The following VGLL4 variants were observed in gnomAD, a reference collection of about 807,000 sequenced individuals.
The protein encoded by VGLL4 is vestigial like family member 4.
In VGLL4, 7 loss-of-function variants were observed where a neutral mutation model predicts 21.0. The observed-to-expected ratio is 0.33, with a 90% CI of 0.19 to 0.63. VGLL4 has a LOEUF of 0.63. Ranked by LOEUF, VGLL4 falls within the 20% of genes least tolerant of loss-of-function variation. The pLI, the probability that VGLL4 is intolerant of heterozygous loss-of-function variation, is 0.78. For missense variants in VGLL4, 394 were observed against 425.7 expected (o/e 0.93, Z 0.66); for synonymous variants, 222 against 173.2 (o/e 1.28, Z -2.21).
chr3:11,689,761 C>T (rs1156720445), intron 2 of VGLL4, among the ~76,000 whole-genome samples: 1 of 152,226 alleles, frequency 6.6e-6, no homozygotes, highest in Non-Finnish European at 1.5e-5. Context: ...GGCCAGCTAC[C>T]TGCAGGCTCC....
At chr3:11,613,253 G>A (rs1032042044) in intron 1 of VGLL4, among the ~76,000 whole-genome samples, 7 of 152,248 alleles carry the variant, frequency 4.6e-5, no homozygotes, top group African/African-American at 1.4e-4. Context: ...GTTAAGCACC[G>A]AAGGTCATAT....
intron 1 of VGLL4, among the ~76,000 whole-genome samples, chr3:11,632,392 G>A (rs1006744426): frequency 3.9e-5 from 6 of 152,014 alleles, no homozygotes; most frequent in African/African-American, 1.4e-4. Flanking sequence ...GACCCAAGAC[G>A]AACCATTTCA....
At chr3:11,666,492 G>A (rs2076129248) in intron 2 of VGLL4, among the ~76,000 whole-genome samples, 1 of 152,150 alleles carries the variant, frequency 6.6e-6, no homozygotes, top group Non-Finnish European at 1.5e-5. Flanking sequence ...AGTTAGAAAC[G>A]GGAAAGCAGC....
chr3:11,703,778 C>A (rs1218999928), intron 1 of VGLL4, among the ~76,000 whole-genome samples: 2 of 152,218 alleles, frequency 1.3e-5, no homozygotes, highest in African/African-American at 4.8e-5. Flanking sequence ...GGCACACACA[C>A]CCTACTAGCT....
chr3:11,630,624 C>T (rs1559911509), intron 1 of VGLL4, among the ~76,000 whole-genome samples: 1 of 151,884 alleles, frequency 6.6e-6, no homozygotes, highest in Non-Finnish European at 1.5e-5. Flanking sequence ...CCAGCCTGGA[C>T]AACAAGAGTG....
intron 2 of VGLL4, among the ~76,000 whole-genome samples, chr3:11,578,831 G>C (rs2074137457): frequency 7.2e-6 from 1 of 139,400 alleles, no homozygotes; most frequent in Non-Finnish European, 1.5e-5. Context: ...CTCATCGCAA[G>C]CTCCACCTCC....
At chr3:11,614,027 T>G (rs1040437471) in intron 1 of VGLL4, among the ~76,000 whole-genome samples, 2 of 152,196 alleles carry the variant, frequency 1.3e-5, no homozygotes, top group Non-Finnish European at 2.9e-5. Context: ...TTTCTATGAC[T>G]GTTTCCACAT....
Position 11,568,526 on chromosome 3 carries a change from C to T in VGLL4, c.273-3507G>A. 1 of 1,537,238 alleles carries T rather than the reference C, an allele frequency of 6.5e-7. No individual in the cohort carries two copies. Among genetic ancestry groups the T allele is most frequent in the African/African-American group, 1.4e-5 (1 of 72,850 alleles). On this transcript the variant is annotated intron_variant, in intron 2 of 4. Coordinates refer to ENST00000430365, the MANE Select transcript of VGLL4 (RefSeq NM_001128219.3). This position sits in a 1 kb window ranked among gnomAD's most constrained non-coding sequence, Gnocchi z 5.9. Reference sequence around the variant, plus strand: ...ACACAGCACAGTGGGCACTATGGGTCAGACAAAGACACTGAAAACAGCGAG... The same window carrying T: ...ACACAGCACAGTGGGCACTATGGGTTAGACAAAGACACTGAAAACAGCGAG...
intron 1 of VGLL4, among the ~76,000 whole-genome samples, chr3:11,641,963 C>A (rs981049234): frequency 1.3e-5 from 2 of 150,366 alleles, no homozygotes; most frequent in African/African-American, 2.5e-5. Context: ...TTGGCAAAGA[C>A]AATACAACAG....
At chr3:11,688,685 G>A (rs2076484446) in intron 2 of VGLL4, among the ~76,000 whole-genome samples, 1 of 151,996 alleles carries the variant, frequency 6.6e-6, no homozygotes, top group Admixed American at 6.6e-5. Flanking sequence ...GTCAGTTTTT[G>A]GTTGTATTTT....
At position 11,718,448 on chromosome 3, in the gene VGLL4, C is replaced by G. The variant is rs138534072; in HGVS notation, c.-14+1946G>C. On this transcript the variant is annotated intron_variant, in intron 1 of 5. Transcript: ENST00000273038. ...CCCAAAGGTCTCCTTAAACTGCCCA[C>G]TCTACTCCCTCCCAGTCATGCGCAG... Among the ~76,000 whole-genome samples the G allele has an allele frequency of 3.7e-4, 57 of 152,306 alleles. 1 individual carries two copies. In the East Asian group the frequency reaches 0.011, roughly 28 times the overall value.
At chr3:11,623,170 C>G (rs1206929714) in intron 1 of VGLL4, among the ~76,000 whole-genome samples, 1 of 152,174 alleles carries the variant, frequency 6.6e-6, no homozygotes, top group East Asian at 1.9e-4. Context: ...ACTAAGTTAA[C>G]AGGTCATCCA....
intron 2 of VGLL4, among the ~76,000 whole-genome samples, chr3:11,595,458 C>T (rs1232926936): frequency 1.3e-5 from 2 of 152,200 alleles, no homozygotes; most frequent in Non-Finnish European, 2.9e-5. Flanking sequence ...ACTAGAAATA[C>T]CATTTGACCC....
intron 1 of VGLL4, among the ~76,000 whole-genome samples, chr3:11,639,312 C>A (rs1404273212): frequency 2.0e-5 from 3 of 152,260 alleles, no homozygotes; most frequent in East Asian, 3.9e-4. Context: ...TCCTCCTCTG[C>A]ACAGGCAGAC....
At chr3:11,566,207 CTGAA>C (rs993498511) in intron 2 of VGLL4, among the ~76,000 whole-genome samples, 5 of 152,190 alleles carry the variant, frequency 3.3e-5, no homozygotes, top group African/African-American at 9.6e-5. Flanking sequence ...TACACACACA[CTGAA>C]TGTTACACAC....
chr3:11,657,825 G>A (rs1314816849), intron 2 of VGLL4, among the ~76,000 whole-genome samples: 1 of 152,170 alleles, frequency 6.6e-6, no homozygotes, highest in Non-Finnish European at 1.5e-5. Context: ...CTGCCATAAA[G>A]AAAATTATGA....
chr3:11,572,501 G>GC (rs2073816275), intron 2 of VGLL4, among the ~76,000 whole-genome samples: 1 of 152,140 alleles, frequency 6.6e-6, no homozygotes, highest in South Asian at 2.1e-4. Context: ...ACATGCAGAC[G>GC]CATGAGGTCC....
In VGLL4 at chr3:11,569,970, G is replaced by C. The variant is rs574844146; in HGVS notation, c.273-4951C>G. ...GCCACTGAAGGGTGCCCTGAAACCTGGTTAAAGTGGTCAGCTGTATGCTCT... is the reference window on the plus strand; with the variant it reads ...GCCACTGAAGGGTGCCCTGAAACCTCGTTAAAGTGGTCAGCTGTATGCTCT... On this transcript the variant is annotated intron_variant, in intron 2 of 4. Coordinates refer to ENST00000430365, the MANE Select transcript of VGLL4 (RefSeq NM_001128219.3). Among the ~76,000 whole-genome samples, 41 of 152,280 alleles carry C rather than the reference G, an allele frequency of 2.7e-4. 1 individual carries two copies. Among genetic ancestry groups the C allele is most frequent in the Non-Finnish European group, 3.4e-4 (23 of 68,010 alleles).
intron 2 of VGLL4, among the ~76,000 whole-genome samples, chr3:11,591,778 G>A (rs1303825263): frequency 6.6e-6 from 1 of 152,222 alleles, no homozygotes; most frequent in Non-Finnish European, 1.5e-5. Flanking sequence ...ACCTCAGGAA[G>A]GCAGGTTACA....
Sources: gnomAD v4.1 joint callset for allele counts (sites outside exome capture counted in the v4.1 genomes callset) on GRCh38, gnomAD v4.1.1 for gene constraint, Gnocchi (gnomAD v3.1) non-coding constraint, MANE v1.5 for transcripts, NCBI Gene and HGNC (gene_info 2026-07-23, HGNC 2026-07-21) for gene names.